The following ZNHIT6 variants were observed in gnomAD, a reference collection of about 807,000 sequenced individuals.
The protein encoded by ZNHIT6 is zinc finger HIT-type containing 6, also known as box C/D snoRNA protein 1.
Under a neutral mutation model 57.2 loss-of-function variants are expected in ZNHIT6, and 45 were observed. The observed-to-expected ratio is 0.79, with a 90% CI of 0.62 to 1.01. ZNHIT6 has a LOEUF of 1.01. ZNHIT6 is among the 50% of genes least tolerant of loss of function. The probability of loss-of-function intolerance (pLI) is 0.00; values close to 1 mark genes in which losing one functional copy is unlikely to be tolerated. For missense variants in ZNHIT6, 528 were observed against 567.3 expected (o/e 0.93, Z 0.70); for synonymous variants, 188 against 190.0 (o/e 0.99, Z 0.09).
chr1:85,676,551 C>T (rs1211107090), intron 8 of ZNHIT6, among the ~76,000 whole-genome samples: 8 of 152,230 alleles, frequency 5.3e-5, no homozygotes, highest in Admixed American at 4.6e-4. Context: ...AGATGTGACT[C>T]TTCCTTTCAC....
Position 85,702,195 on chromosome 1 carries a change from G to C in ZNHIT6, c.981C>G (p.Phe327Leu), listed in dbSNP as rs1488714710. The C allele has an allele frequency of 6.2e-7, 1 of 1,610,824 alleles. No individual in the cohort carries two copies. The highest frequency in any genetic ancestry group is 2.2e-5 in the East Asian group (1 of 44,756). The part of the protein sequence containing the change: ...GINLKLLPNG[F>L]TKRKENSTFF... Reference sequence around the variant, plus strand: ...AGGTTGAATTCTCCTTCCTCTTGGTGAATCCATTGGGTAGAAGTTTTAAGT... The same window carrying C: ...AGGTTGAATTCTCCTTCCTCTTGGTCAATCCATTGGGTAGAAGTTTTAAGT... Residue 327 changes from phenylalanine (F) to leucine (L), a missense_variant, in exon 5 of 10, where the codon TTC (phenylalanine) becomes TTG (leucine). By Grantham distance (22) the Phe-to-Leu change is conservative (BLOSUM62 0). Coordinates refer to ENST00000370574, the MANE Select transcript of ZNHIT6 (RefSeq NM_017953.4).
In ZNHIT6 at chr1:85,682,172, C is replaced by T. The variant is rs368494351; in HGVS notation, c.1020-1268G>A. ...GACTACAGGTGCTCGCCACCACGCC[C>T]GGCTAATTTTTTTTTTTTTTTTTTG... On this transcript the variant is annotated intron_variant, in intron 5 of 9. Transcript: ENST00000370574. Among the ~76,000 whole-genome samples, 102 of 137,492 alleles carry T rather than the reference C, an allele frequency of 7.4e-4. No homozygotes were observed. In the East Asian group the frequency reaches 0.013, roughly 18 times the overall value. 90.2% of individuals were successfully genotyped at this position (137,492 alleles called of 152,430 possible).
chr1:85,685,360 T>C (rs955499433), intron 5 of ZNHIT6, among the ~76,000 whole-genome samples: 1 of 152,200 alleles, frequency 6.6e-6, no homozygotes, highest in Non-Finnish European at 1.5e-5. Flanking sequence ...TCATAAAAGA[T>C]GAGGCAGAAC....
At chr1:85,684,471 AAGGG>A (rs1661968402) in intron 5 of ZNHIT6, among the ~76,000 whole-genome samples, 3 of 152,202 alleles carry the variant, frequency 2.0e-5, no homozygotes, top group African/African-American at 7.2e-5. Context: ...TGGCCCTACA[AAGGG>A]CTACTGTATG....
At position 85,651,830 on chromosome 1, in the gene ZNHIT6, C is replaced by T. The variant is rs963674186; in HGVS notation, c.*2228G>A. The T allele has an allele frequency of 6.6e-6, 1 of 152,154 alleles. No homozygotes were observed. Among genetic ancestry groups the T allele is most frequent in the Non-Finnish European group, 1.5e-5 (1 of 68,028 alleles). The allele number at this position is 152,154 out of a possible 1,614,324, so 9.4% of individuals were successfully genotyped here. A position where few individuals can be genotyped will look rare whatever the true frequency, so the allele number is the denominator to read the frequency against. The stretch of plus-strand genomic sequence containing the variant: ...TATTGGGTCTCAATGCTACAAACAT[C>T]TAGGGTTTTCAGTTAGTTATTCCAA... On this transcript the variant is annotated 3_prime_UTR_variant, in exon 10 of 10. Coordinates refer to ENST00000370574, the MANE Select transcript of ZNHIT6 (RefSeq NM_017953.4).
chr1:85,671,230 C>T (rs1315715259), intron 8 of ZNHIT6, among the ~76,000 whole-genome samples: 1 of 152,084 alleles, frequency 6.6e-6, no homozygotes, highest in Non-Finnish European at 1.5e-5. Context: ...TTATCTGCTC[C>T]CTTGTGTTTA....
In ZNHIT6 at chr1:85,650,718, A is replaced by C. The variant is rs1285330938; in HGVS notation, c.*3340T>G. The stretch of plus-strand genomic sequence containing the variant: ...AAGTGAAAGGGGAGTAGGTATGTGC[A>C]AAGAGATCACATGGGAAGGCAGGAG... On this transcript the variant is annotated 3_prime_UTR_variant, in exon 10 of 10. Coordinates refer to ENST00000370574, the MANE Select transcript of ZNHIT6 (RefSeq NM_017953.4). The C allele has an allele frequency of 6.6e-6, 1 of 152,264 alleles. No individual in the cohort carries two copies. The highest frequency in any genetic ancestry group is 2.4e-5 in the African/African-American group (1 of 41,454). The allele number at this position is 152,264 out of a possible 1,614,324, so 9.4% of individuals were successfully genotyped here. A position where few individuals can be genotyped will look rare whatever the true frequency, so the allele number is the denominator to read the frequency against.
At chr1:85,701,837 C>A (rs1662537407) in intron 5 of ZNHIT6, among the ~76,000 whole-genome samples, 1 of 152,124 alleles carries the variant, frequency 6.6e-6, no homozygotes, top group African/African-American at 2.4e-5. Flanking sequence ...CAATATCAAA[C>A]TCCAACCCAG....
At chr1:85,674,200 G>A (rs575284945) in intron 8 of ZNHIT6, among the ~76,000 whole-genome samples, 3 of 152,134 alleles carry the variant, frequency 2.0e-5, no homozygotes, top group East Asian at 1.9e-4. Context: ...TACTTAGTTC[G>A]AGTCAATAGC....
chr1:85,701,349 G>A (rs1662524968), intron 5 of ZNHIT6, among the ~76,000 whole-genome samples: 1 of 152,154 alleles, frequency 6.6e-6, no homozygotes, highest in African/African-American at 2.4e-5. Flanking sequence ...GTTACTAAGA[G>A]GCTGAAAAGG....
rs1662568982 is a variant in ZNHIT6 at position 85,702,602 on chromosome 1, CAGGTCAT to C, written c.916-349_916-343del. Among the ~76,000 whole-genome samples the C allele has an allele frequency of 3.3e-5, 5 of 152,212 alleles. No individual in the cohort carries two copies. The South Asian group carries it at 1.0e-3, about 32-fold the overall frequency. On this transcript the variant is annotated intron_variant, in intron 4 of 9. Coordinates refer to ENST00000370574, the MANE Select transcript of ZNHIT6 (RefSeq NM_017953.4). ...AATGGAGATTAAACAAACAAAAACA[CAGGTCAT>C]TTGGCAATCACGGGGGCTACCTACA...
intron 4 of ZNHIT6, 45 bp downstream of exon 4, chr1:85,706,033 G>T: frequency 2.0e-5 from 27 of 1,334,638 alleles, no homozygotes; most frequent in South Asian, 3.9e-5. Context: ...GAATCTAATT[G>T]ATTTGAAGGA....
At chr1:85,683,417 C>A (rs1661935608) in intron 5 of ZNHIT6, among the ~76,000 whole-genome samples, 2 of 151,980 alleles carry the variant, frequency 1.3e-5, no homozygotes, top group Admixed American at 1.3e-4. Flanking sequence ...ACTCGGGAGG[C>A]CGAGGCAGGA....
intron 5 of ZNHIT6, among the ~76,000 whole-genome samples, chr1:85,682,231 C>T (rs1265841475): frequency 6.9e-6 from 1 of 144,052 alleles, no homozygotes; most frequent in African/African-American, 2.6e-5. Context: ...TCACTACGTT[C>T]GCCAGGATGG....
At position 85,650,154 on chromosome 1, in the gene ZNHIT6, T is replaced by G. The variant is rs556022257; in HGVS notation, c.*3904A>C. On this transcript the variant is annotated 3_prime_UTR_variant, in exon 10 of 10. Coordinates refer to ENST00000370574, the MANE Select transcript of ZNHIT6 (RefSeq NM_017953.4). ...TCTCTTGATTAGCTCAGGAACGGAATGTGATCCAATCTGGGCAAAATAAAA... is the reference window on the plus strand; with the variant it reads ...TCTCTTGATTAGCTCAGGAACGGAAGGTGATCCAATCTGGGCAAAATAAAA... 3.9e-5 allele frequency: 6 copies of G among 152,344 alleles called. 1 individual carries two copies. In the South Asian group the frequency reaches 1.2e-3, roughly 32 times the overall value. 9.4% of individuals were successfully genotyped at this position (152,344 alleles called of 1,614,324 possible). A position where few individuals can be genotyped will look rare whatever the true frequency, so the allele number is the denominator to read the frequency against.
chr1:85,706,829 A>AT, intron 1 of ZNHIT6, among the ~76,000 whole-genome samples: 1 of 152,224 alleles, frequency 6.6e-6, no homozygotes, highest in South Asian at 2.1e-4. Context: ...TGTGGTAATG[A>AT]TTGTATGTGT....
Position 85,706,224 on chromosome 1 carries a change from AT to A in ZNHIT6, c.829+24del, listed in dbSNP as rs372381099. The A allele has an allele frequency of 3.0e-4, 490 of 1,609,772 alleles. 4 individuals are homozygous for A. In the African/African-American group the frequency reaches 6.1e-3, roughly 20 times the overall value. On this transcript the variant is annotated intron_variant, in intron 3 of 9. Transcript: ENST00000370574. ...ATATACCAATGGCCAGGAAGCCTCA[AT>A]TTGCTATGCATAAAGTGGCTTACCA...
chr1:85,676,040 T>C (rs1337553931), intron 8 of ZNHIT6, among the ~76,000 whole-genome samples: 1 of 152,070 alleles, frequency 6.6e-6, no homozygotes, highest in African/African-American at 2.4e-5. Context: ...CTATCAGCAA[T>C]AAGACTGTTT....
chr1:85,662,574 C>T (rs1174746690), intron 8 of ZNHIT6, among the ~76,000 whole-genome samples: 3 of 152,088 alleles, frequency 2.0e-5, no homozygotes, highest in Admixed American at 1.3e-4. Context: ...AATAATACTT[C>T]TGTGTAACAA....
Sources: allele counts gnomAD v4.1 joint callset (sites outside exome capture counted in the v4.1 genomes callset), GRCh38; gene constraint gnomAD v4.1.1; transcripts MANE v1.5; gene names NCBI Gene and HGNC (gene_info 2026-07-23, HGNC 2026-07-21).